ATXN7L1: variants seen among roughly 807,000 people sequenced by gnomAD.
ATXN7L1 encodes the protein ataxin-7-like protein 1.
ATXN7L1 carries 15 observed loss-of-function variants against 70.8 expected under a neutral mutation model. That is an observed-to-expected ratio of 0.21 (90% CI 0.14 to 0.33). ATXN7L1 has a LOEUF of 0.33. ATXN7L1 is among the 10% of genes least tolerant of loss of function. The probability of loss-of-function intolerance (pLI) is 1.00; values close to 1 mark genes in which losing one functional copy is unlikely to be tolerated. For synonymous variants in ATXN7L1, 440 were observed against 445.1 expected (o/e 0.99, Z 0.14); for missense variants, 975 against 1,097.1 (o/e 0.89, Z 1.57).
chr7:105,795,882 T>G (rs753927848), intron 2 of ATXN7L1, among the ~76,000 whole-genome samples: 29 of 152,224 alleles, frequency 1.9e-4, no homozygotes, highest in Non-Finnish European at 5.9e-5. Context: ...CTATAGGAAT[T>G]ACAAAAATGT....
At chr7:105,764,528 G>A (rs1364375728) in intron 3 of ATXN7L1, among the ~76,000 whole-genome samples, 1 of 152,140 alleles carries the variant, frequency 6.6e-6, no homozygotes, top group Non-Finnish European at 1.5e-5. Flanking sequence ...TACAAGTTGC[G>A]TATCACTGAC....
chr7:105,841,443 G>A (rs1813196942), intron 2 of ATXN7L1, among the ~76,000 whole-genome samples: 1 of 152,214 alleles, frequency 6.6e-6, no homozygotes, highest in Admixed American at 6.5e-5. Context: ...GAAAATCCCA[G>A]AAGTAAACAA....
intron 3 of ATXN7L1, among the ~76,000 whole-genome samples, chr7:105,712,481 G>A (rs1371749547): frequency 6.6e-6 from 1 of 152,094 alleles, no homozygotes. Flanking sequence ...TCTTTGTTCA[G>A]CACATGAGCA....
At chr7:105,645,496 T>C (rs1798852813) in intron 4 of ATXN7L1, among the ~76,000 whole-genome samples, 1 of 151,720 alleles carries the variant, frequency 6.6e-6, no homozygotes, top group Non-Finnish European at 1.5e-5. Context: ...ACCCCGTCTC[T>C]ACTAAAAATA....
intron 3 of ATXN7L1, chr7:105,788,177 T>C (rs1436565296): frequency 1.3e-5 from 2 of 158,816 alleles, no homozygotes; most frequent in East Asian, 3.6e-4. Flanking sequence ...AGCACCCCAG[T>C]GGGCCACACA....
chr7:105,820,664 G>A (rs1420694366), intron 2 of ATXN7L1, among the ~76,000 whole-genome samples: 1 of 152,168 alleles, frequency 6.6e-6, no homozygotes, highest in East Asian at 1.9e-4. Flanking sequence ...TAAACCAACA[G>A]ATCACCTTGA....
chr7:105,744,973 G>A (rs1422533326), intron 3 of ATXN7L1, among the ~76,000 whole-genome samples: 1 of 151,914 alleles, frequency 6.6e-6, no homozygotes, highest in Non-Finnish European at 1.5e-5. Context: ...CCTGACCTCA[G>A]GTGATCCATC....
chr7:105,853,104 G>C (rs1288685669), intron 2 of ATXN7L1, among the ~76,000 whole-genome samples: 1 of 152,186 alleles, frequency 6.6e-6, no homozygotes, highest in African/African-American at 2.4e-5. Flanking sequence ...AATGGGTTTA[G>C]AGTTTCTGTT....
intron 3 of ATXN7L1, among the ~76,000 whole-genome samples, chr7:105,716,015 G>T (rs1794500074): frequency 6.6e-6 from 1 of 152,102 alleles, no homozygotes. Context: ...AGGCGGGGGG[G>T]ATGGGAAGAG....
At chr7:105,712,215 T>C (rs527543587) in intron 3 of ATXN7L1, among the ~76,000 whole-genome samples, 2 of 152,270 alleles carry the variant, frequency 1.3e-5, no homozygotes, top group African/African-American at 4.8e-5. Context: ...CACAAAACCA[T>C]TTTTTCCTCC....
At chr7:105,692,858 C>T (rs1186103650) in intron 3 of ATXN7L1, among the ~76,000 whole-genome samples, 2 of 151,872 alleles carry the variant, frequency 1.3e-5, no homozygotes, top group African/African-American at 4.8e-5. Flanking sequence ...CCGATTCAGC[C>T]TCCTAAGGAG....
Position 105,708,377 on chromosome 7 carries a change from T to C in ATXN7L1, c.356-43089A>G, listed in dbSNP as rs1793443970. On this transcript the variant is annotated intron_variant, in intron 3 of 11. Transcript: ENST00000419735. Reference sequence around the variant, plus strand: ...TTTGGCTCTTGTTCCTCTTCCTCTCTTCCTCAATAAAACAGCCTCTCCAAG... The same window carrying C: ...TTTGGCTCTTGTTCCTCTTCCTCTCCTCCTCAATAAAACAGCCTCTCCAAG... 2.6e-5 allele frequency among the ~76,000 whole-genome samples: 4 copies of C among 152,332 alleles called. No individual in the cohort carries two copies. In the South Asian group the frequency reaches 8.3e-4, roughly 32 times the overall value.
At chr7:105,750,112 C>T (rs1010400231) in intron 3 of ATXN7L1, among the ~76,000 whole-genome samples, 6 of 151,834 alleles carry the variant, frequency 4.0e-5, no homozygotes, top group African/African-American at 1.4e-4. Flanking sequence ...GTGTAGACTG[C>T]AGGCACTTTA....
intron 3 of ATXN7L1, among the ~76,000 whole-genome samples, chr7:105,681,905 T>C (rs367812018): frequency 6.6e-6 from 1 of 152,068 alleles, no homozygotes; most frequent in Non-Finnish European, 1.5e-5. Context: ...TCAATGGGTA[T>C]AGAGTTTCGG....
At chr7:105,739,572 G>A (rs545438428) in intron 3 of ATXN7L1, among the ~76,000 whole-genome samples, 94 of 152,328 alleles carry the variant, frequency 6.2e-4, no homozygotes, top group African/African-American at 2.2e-3. Flanking sequence ...AAAAGATGGA[G>A]GAGGGCAAGG....
At chr7:105,610,869 G>A (rs1793086026) in intron 10 of ATXN7L1, among the ~76,000 whole-genome samples, 1 of 152,224 alleles carries the variant, frequency 6.6e-6, no homozygotes, top group South Asian at 2.1e-4. Flanking sequence ...GGACAGAACA[G>A]GGAAGGATGA....
intron 2 of ATXN7L1, among the ~76,000 whole-genome samples, chr7:105,848,566 G>T (rs1313885598): frequency 6.6e-6 from 1 of 152,036 alleles, no homozygotes; most frequent in Non-Finnish European, 1.5e-5. Context: ...ACTAGGAAAG[G>T]TACTCACCAT....
At chr7:105,754,525 TC>T (rs1799576173) in intron 3 of ATXN7L1, among the ~76,000 whole-genome samples, 1 of 152,154 alleles carries the variant, frequency 6.6e-6, no homozygotes, top group Non-Finnish European at 1.5e-5. Flanking sequence ...GTAGCTGCCT[TC>T]CATAGCTCAT....
rs1005075749 is a variant in ATXN7L1, at chr7:105,614,466, G to A, written c.1868C>T (p.Thr623Ile). 5 of 1,538,058 alleles carry A rather than the reference G, an allele frequency of 3.3e-6. No individual in the cohort carries two copies. Among genetic ancestry groups the A allele is most frequent in the Non-Finnish European group, 4.4e-6 (5 of 1,139,534 alleles). Residue 623 changes from threonine (T) to isoleucine (I), a missense_variant, in exon 10 of 12, where the codon ACC becomes ATC. Physicochemically the swap from Thr to Ile is moderately conservative, Grantham distance 89 (BLOSUM62 -1). Around this residue, in one of 5 missense-constraint regions of ATXN7L1, gnomAD observed 635 missense variants for 699.4 expected, o/e 0.91. Transcript: ENST00000419735. The surrounding 1 kb of genome is among the most constrained non-coding windows in gnomAD (Gnocchi z 4.3). The part of the protein sequence containing the change: ...SPSHKPSKTK[T>I]SKSSKVKDLS... ...GTCTTTGACTTTTGAGGATTTGCTG[G>A]TTTTGGTTTTGGATGGCTTGTGGGA...
Sources: allele counts gnomAD v4.1 joint callset (sites outside exome capture counted in the v4.1 genomes callset), GRCh38; gene constraint gnomAD v4.1.1; regional missense constraint gnomAD v4.1.1; non-coding constraint Gnocchi (gnomAD v3.1); transcripts MANE v1.5; gene names NCBI Gene and HGNC (gene_info 2026-07-23, HGNC 2026-07-21).